PDE4B: variants seen among roughly 807,000 people sequenced by gnomAD.
The protein encoded by PDE4B is phosphodiesterase 4B.
A neutral mutation model predicts 82.2 loss-of-function variants in PDE4B; 20 were observed. That is an observed-to-expected ratio of 0.24 (90% CI 0.17 to 0.35). The LOEUF is 0.35. Among genes scored for constraint, PDE4B ranks in the 10% least tolerant of loss-of-function variants. The pLI is 1.00. For synonymous variants in PDE4B, 320 were observed against 318.9 expected (o/e 1.00, Z -0.04); for missense variants, 655 against 907.2 (o/e 0.72, Z 3.57).
At chr1:66,318,918 A>G (rs1659202107) in intron 7 of PDE4B, among the ~76,000 whole-genome samples, 1 of 152,216 alleles carries the variant, frequency 6.6e-6, no homozygotes, top group South Asian at 2.1e-4. Context: ...AGCACAGTGT[A>G]GACATTCCAG....
chr1:66,019,038 G>A (rs1569992629), intron 3 of PDE4B, among the ~76,000 whole-genome samples: 1 of 151,982 alleles, frequency 6.6e-6, no homozygotes, highest in Admixed American at 6.6e-5. Context: ...CTTACTTACC[G>A]TTTTCACATT....
chr1:66,112,145 A>T (rs1645501527), intron 3 of PDE4B, among the ~76,000 whole-genome samples: 1 of 152,154 alleles, frequency 6.6e-6, no homozygotes, highest in Non-Finnish European at 1.5e-5. Context: ...AAAAAACTGT[A>T]ACTAACTGAG....
At chr1:66,030,609 A>G (rs1408814905) in intron 3 of PDE4B, among the ~76,000 whole-genome samples, 1 of 152,184 alleles carries the variant, frequency 6.6e-6, no homozygotes, top group African/African-American at 2.4e-5. Flanking sequence ...GCAATCCACT[A>G]CTGGGTATAT....
intron 3 of PDE4B, among the ~76,000 whole-genome samples, chr1:66,106,932 A>G (rs1442546072): frequency 1.4e-5 from 2 of 140,800 alleles, no homozygotes; most frequent in Non-Finnish European, 3.1e-5. Flanking sequence ...TTGTGTCTCT[A>G]TTTCCTTCAG....
At chr1:66,015,509 G>A (rs112346832) in intron 3 of PDE4B, among the ~76,000 whole-genome samples, 3,210 of 152,130 alleles carry the variant, frequency 0.021, 116 homozygotes, top group African/African-American at 0.073. Flanking sequence ...AAACTTCGTT[G>A]CAGAGGTCAT....
intron 3 of PDE4B, among the ~76,000 whole-genome samples, chr1:66,075,254 C>G (rs2100939528): frequency 6.6e-6 from 1 of 152,100 alleles, no homozygotes; most frequent in South Asian, 2.1e-4. Context: ...CCATGCTAAG[C>G]CCCAATTTTG....
At chr1:65,846,219 C>G (rs759575608) in intron 1 of PDE4B, among the ~76,000 whole-genome samples, 2 of 152,178 alleles carry the variant, frequency 1.3e-5, no homozygotes, top group Non-Finnish European at 2.9e-5. Flanking sequence ...AGGAGCCACT[C>G]TCCCTTAATT....
chr1:65,899,348 G>A (rs906456617), intron 1 of PDE4B, among the ~76,000 whole-genome samples: 13 of 151,786 alleles, frequency 8.6e-5, no homozygotes, highest in East Asian at 1.9e-4. Context: ...TGCAGTGAAC[G>A]GAGAACACTT....
chr1:65,933,749 C>T (rs1241992577), intron 3 of PDE4B, among the ~76,000 whole-genome samples: 1 of 151,528 alleles, frequency 6.6e-6, no homozygotes, highest in Non-Finnish European at 1.5e-5. Flanking sequence ...CAAGTTGCAA[C>T]AAATGACACA....
At chr1:66,005,078 A>G (rs1219454746) in intron 3 of PDE4B, among the ~76,000 whole-genome samples, 4 of 152,142 alleles carry the variant, frequency 2.6e-5, no homozygotes, top group Non-Finnish European at 5.9e-5. Context: ...TATAAAAATC[A>G]AAGAGCTTGA....
At chr1:66,182,027 A>G (rs1282887150) in intron 3 of PDE4B, among the ~76,000 whole-genome samples, 1 of 152,140 alleles carries the variant, frequency 6.6e-6, no homozygotes, top group Non-Finnish European at 1.5e-5. Context: ...TCAGGCAAGA[A>G]AGACCATTCC....
intron 3 of PDE4B, among the ~76,000 whole-genome samples, chr1:66,022,397 G>T (rs1167692450): frequency 1.3e-5 from 2 of 152,154 alleles, no homozygotes; most frequent in Non-Finnish European, 2.9e-5. Flanking sequence ...TTTTTAAAGG[G>T]AATGCTTCCA....
intron 7 of PDE4B, among the ~76,000 whole-genome samples, chr1:66,293,976 T>C (rs550311553): frequency 6.6e-6 from 1 of 152,306 alleles, no homozygotes; most frequent in African/African-American, 2.4e-5. Context: ...GAGGCCAAGC[T>C]GGGCAAGTCC....
chr1:66,347,977 T>C (rs1055509372), intron 8 of PDE4B, among the ~76,000 whole-genome samples: 40 of 152,210 alleles, frequency 2.6e-4, no homozygotes, highest in Admixed American at 1.8e-3. Flanking sequence ...GTGTAACTAC[T>C]TTCATGTCAG....
chr1:65,829,352 A>G (rs12563451), intron 1 of PDE4B, among the ~76,000 whole-genome samples: 14,876 of 152,232 alleles, frequency 0.098, 837 homozygotes, highest in South Asian at 0.14. Context: ...CAAATTTACA[A>G]TTATAATTAC....
intron 3 of PDE4B, among the ~76,000 whole-genome samples, chr1:65,931,053 C>G (rs1647805502): frequency 1.3e-5 from 2 of 152,184 alleles, no homozygotes; most frequent in African/African-American, 2.4e-5. Flanking sequence ...GCACCATCCC[C>G]TCAGTGCTGT....
intron 1 of PDE4B, among the ~76,000 whole-genome samples, chr1:65,827,091 A>G (rs1159912923): frequency 6.6e-6 from 1 of 152,192 alleles, no homozygotes; most frequent in Admixed American, 6.5e-5. Flanking sequence ...GCAACTGCAA[A>G]CATCAAAAAC....
chr1:66,203,579 T>A (rs1649233493), intron 3 of PDE4B, among the ~76,000 whole-genome samples: 2 of 152,194 alleles, frequency 1.3e-5, no homozygotes, highest in African/African-American at 4.8e-5. Flanking sequence ...ACTTCCCTTC[T>A]TGCTTCGTTT....
At chr1:66,060,102 T>G (rs1286818714) in intron 3 of PDE4B, among the ~76,000 whole-genome samples, 2 of 152,202 alleles carry the variant, frequency 1.3e-5, no homozygotes, top group Non-Finnish European at 2.9e-5. Flanking sequence ...GCCCCCTGAA[T>G]GTTAACAGCT....
Sources: allele counts gnomAD v4.1 joint callset (sites outside exome capture counted in the v4.1 genomes callset), GRCh38; gene constraint gnomAD v4.1.1; transcripts MANE v1.5; gene names NCBI Gene and HGNC (gene_info 2026-07-23, HGNC 2026-07-21).